Variants in ZNG1B observed in about 807,000 individuals in gnomAD.
The protein encoded by ZNG1B is zinc-regulated GTPase metalloprotein activator 1B.
At chr2:113,438,584 C>A in the ZNG1B span, among the ~76,000 whole-genome samples, 1 of 151,872 alleles carries the variant, frequency 6.6e-6, no homozygotes, top group Non-Finnish European at 1.5e-5. Context: ...AGAATAAAAT[C>A]TCTGTCCTCC....
the ZNG1B span, among the ~76,000 whole-genome samples, chr2:113,442,937 G>A: frequency 1.3e-5 from 2 of 151,068 alleles, no homozygotes; most frequent in East Asian, 1.9e-4. Flanking sequence ...AGTAAGTATT[G>A]CTAGGAAAAT....
chr2:113,453,987 C>T, the ZNG1B span, among the ~76,000 whole-genome samples: 2 of 152,060 alleles, frequency 1.3e-5, no homozygotes, highest in African/African-American at 4.8e-5. Flanking sequence ...CTTAGTTAAG[C>T]GACTATGTTT....
the ZNG1B span, among the ~76,000 whole-genome samples, chr2:113,471,991 A>G: frequency 1.3e-5 from 2 of 151,842 alleles, no homozygotes; most frequent in African/African-American, 2.4e-5. Flanking sequence ...CCTTTAGGGT[A>G]TATACCCAGT....
chr2:113,495,400 G>A, the ZNG1B span: 12 of 814,156 alleles, frequency 1.5e-5, no homozygotes, highest in South Asian at 2.0e-5. Context: ...ACGTTACAAC[G>A]TTCGTAAAAG....
the ZNG1B span, among the ~76,000 whole-genome samples, chr2:113,458,093 A>T: frequency 9.9e-5 from 15 of 150,794 alleles, no homozygotes; most frequent in Non-Finnish European, 1.8e-4. Flanking sequence ...TAAAATATTT[A>T]AAAAATATTT....
At chr2:113,437,983 G>C in the ZNG1B span, 6 of 1,611,932 alleles carry the variant, frequency 3.7e-6, no homozygotes, top group Admixed American at 1.7e-5. Flanking sequence ...GTCTGGCCTC[G>C]GCGCCAAGAT....
the ZNG1B span, among the ~76,000 whole-genome samples, chr2:113,492,361 A>C: frequency 2.4e-5 from 3 of 126,956 alleles, 1 homozygote; most frequent in African/African-American, 8.5e-5. Flanking sequence ...ATAAGATTGG[A>C]GACTATTATT....
the ZNG1B span, chr2:113,471,042 C>T: frequency 5.0e-4 from 787 of 1,577,644 alleles, 4 homozygotes; most frequent in African/African-American, 9.5e-3. Flanking sequence ...GAGTTGATCT[C>T]TCTAATGTAT....
the ZNG1B span, chr2:113,445,347 G>A: frequency 3.3e-6 from 1 of 307,402 alleles, no homozygotes; most frequent in South Asian, 4.2e-5. Flanking sequence ...TGTAGGAAGA[G>A]CAGAGACGTT....
chr2:113,471,728 C>T, the ZNG1B span, among the ~76,000 whole-genome samples: 3 of 149,726 alleles, frequency 2.0e-5, no homozygotes, highest in African/African-American at 4.9e-5. Flanking sequence ...TGAGAATATG[C>T]GGTGTTTGGT....
chr2:113,461,233 A>AAT, the ZNG1B span, among the ~76,000 whole-genome samples: 1 of 148,182 alleles, frequency 6.7e-6, no homozygotes, highest in East Asian at 1.9e-4. Context: ...TTTTTTTTAA[A>AAT]TTTTTTTATT....
chr2:113,467,162 A>T, the ZNG1B span, among the ~76,000 whole-genome samples: 24 of 151,068 alleles, frequency 1.6e-4, 1 homozygote, highest in South Asian at 4.6e-3. Flanking sequence ...GTTTTTTAAA[A>T]TTTTTTTACC....
chr2:113,491,881 G>T, the ZNG1B span, among the ~76,000 whole-genome samples: 1 of 115,546 alleles, frequency 8.7e-6, no homozygotes, highest in African/African-American at 3.1e-5. Context: ...TAAACATATG[G>T]AAAAATGCTC....
the ZNG1B span, among the ~76,000 whole-genome samples, chr2:113,457,750 A>G: frequency 7.1e-6 from 1 of 140,148 alleles, no homozygotes; most frequent in East Asian, 2.8e-4. Flanking sequence ...TCACATTGCT[A>G]TTTTTTTGAG....
the ZNG1B span, chr2:113,454,651 T>C: frequency 7.7e-7 from 1 of 1,291,762 alleles, no homozygotes; most frequent in Non-Finnish European, 1.1e-6. Flanking sequence ...CTGAAATAGG[T>C]TAGTTTTAAT....
the ZNG1B span, chr2:113,495,240 G>A: frequency 6.6e-7 from 1 of 1,512,816 alleles, no homozygotes; most frequent in Non-Finnish European, 8.9e-7. Context: ...AAATCGATTG[G>A]TCCTCCTTGG....
the ZNG1B span, among the ~76,000 whole-genome samples, chr2:113,460,467 C>T: frequency 2.0e-5 from 3 of 152,026 alleles, no homozygotes; most frequent in Non-Finnish European, 4.4e-5. Flanking sequence ...TAAAACCCCA[C>T]AGGTTCACTT....
At chr2:113,492,604 A>G in the ZNG1B span, among the ~76,000 whole-genome samples, 1 of 54,168 alleles carries the variant, frequency 1.8e-5, no homozygotes, top group Admixed American at 2.4e-4. Flanking sequence ...GAAGTTAACC[A>G]ACACCACCTG....
At chr2:113,485,799 ATTG>A in the ZNG1B span, among the ~76,000 whole-genome samples, 1 of 152,198 alleles carries the variant, frequency 6.6e-6, no homozygotes, top group African/African-American at 2.4e-5. Context: ...TATGTTAGGT[ATTG>A]TTTGCAAAAA....
Sources: allele counts gnomAD v4.1 joint callset (sites outside exome capture counted in the v4.1 genomes callset), GRCh38; gene constraint gnomAD v4.1.1; transcripts MANE v1.5; gene names NCBI Gene and HGNC (gene_info 2026-07-23, HGNC 2026-07-21).